The following VPS39 variants were observed in gnomAD, a reference collection of about 807,000 sequenced individuals.
VPS39 encodes the protein VPS39 subunit of HOPS complex.
VPS39 carries 70 observed loss-of-function variants against 121.0 expected under a neutral mutation model. The ratio of observed to expected loss-of-function variants is 0.58; its 90% CI spans 0.48 to 0.71. VPS39 has a LOEUF of 0.71. VPS39 is among the 30% of genes least tolerant of loss of function. The probability of loss-of-function intolerance (pLI) is 0.00; values close to 1 mark genes in which losing one functional copy is unlikely to be tolerated. For synonymous variants in VPS39, 378 were observed against 398.1 expected (o/e 0.95, Z 0.60); for missense variants, 818 against 1,051.5 (o/e 0.78, Z 3.07).
rs1383968100 is a variant in VPS39, at chr15:42,187,829, G to T, written c.370C>A (p.Arg124=). 1.2e-6 allele frequency: 2 copies of T among 1,614,122 alleles called. No individual in the cohort carries two copies. The highest frequency in any genetic ancestry group is 8.5e-7 in the Non-Finnish European group (1 of 1,180,012). The part of the protein sequence containing the change: ...QHTETGEEVL[R]MCVAVKKKLQ... The stretch of plus-strand genomic sequence containing the variant: ...TTCTTTTTTACTGCCACACACATCC[G>T]TAACACCTCCTCACCGGTCTCTGTG... Residue 124 remains arginine (R), a synonymous_variant, in exon 6 of 25, where the codon CGG becomes AGG. Coordinates refer to ENST00000318006, the MANE Select transcript of VPS39 (RefSeq NM_015289.5).
chr15:42,180,503 T>C (rs931015859), intron 8 of VPS39, among the ~76,000 whole-genome samples: 1 of 152,202 alleles, frequency 6.6e-6, no homozygotes, highest in Non-Finnish European at 1.5e-5. Context: ...GAAGTCAGCA[T>C]GCAAAAAGCA....
intron 12 of VPS39, among the ~76,000 whole-genome samples, chr15:42,168,997 G>C (rs1184469566): frequency 1.3e-5 from 2 of 152,156 alleles, no homozygotes; most frequent in Non-Finnish European, 2.9e-5. Flanking sequence ...GAAATCTAGG[G>C]TTAAGAGACT....
At chr15:42,204,818 T>C (rs1281529441) in intron 1 of VPS39, among the ~76,000 whole-genome samples, 1 of 152,178 alleles carries the variant, frequency 6.6e-6, no homozygotes, top group Non-Finnish European at 1.5e-5. Context: ...ATTTTAGTAA[T>C]TTTTGACTTA....
In VPS39 at chr15:42,189,220, GAGGT is replaced by G; in HGVS notation, c.248-16_248-13del. The G allele has an allele frequency of 6.3e-7, 1 of 1,593,786 alleles. No individual in the cohort carries two copies. The highest frequency in any genetic ancestry group is 8.6e-7 in the Non-Finnish European group (1 of 1,161,956). Reference sequence around the variant, plus strand: ...ATAAATGTTATTTTCTGTTTGGGAGGAGGTATAACATCAGGATCAATGATCATAA... The same window carrying G: ...ATAAATGTTATTTTCTGTTTGGGAGGATAACATCAGGATCAATGATCATAA... On this transcript the variant is annotated splice_polypyrimidine_tract_variant and intron_variant, in intron 4 of 24. Transcript: ENST00000318006.
At chr15:42,183,445 T>C (rs2049630805) in intron 8 of VPS39, among the ~76,000 whole-genome samples, 1 of 152,170 alleles carries the variant, frequency 6.6e-6, no homozygotes, top group South Asian at 2.1e-4. Context: ...TTCAGGAATC[T>C]ACTGGCCTCC....
intron 10 of VPS39, among the ~76,000 whole-genome samples, chr15:42,174,739 C>T (rs2049414151): frequency 6.6e-6 from 1 of 151,790 alleles, no homozygotes; most frequent in East Asian, 1.9e-4. Flanking sequence ...CTTGGGAGGC[C>T]GAGGTGGGCA....
In VPS39 at chr15:42,163,629, T is replaced by C; in HGVS notation, c.2126A>G (p.Glu709Gly). The change falls in exon 20 of 25, where the codon GAG becomes GGG. Residue 709 changes from glutamate to glycine, a missense_variant. By Grantham distance (98) the Glu-to-Gly change is moderately conservative. Coordinates refer to ENST00000318006, the MANE Select transcript of VPS39 (RefSeq NM_015289.5). Reference protein sequence around the residue: ...VHILKDTRMAEEYCHKHYDRN... With the variant: ...VHILKDTRMAGEYCHKHYDRN... ...TGGGATGTTGGGGCAAACTTACTCC[T>C]CAGCCATCCTTGTATCCTTCAAGAT... 1 of 1,613,180 alleles carries C rather than the reference T, an allele frequency of 6.2e-7. No homozygotes were observed. Among genetic ancestry groups the C allele is most frequent in the African/African-American group, 1.3e-5 (1 of 75,008 alleles).
chr15:42,164,674 T>A, intron 18 of VPS39, 188 bp from the exon 19 acceptor site: 2 of 1,434,394 alleles, frequency 1.4e-6, no homozygotes, highest in Non-Finnish European at 1.8e-6. Context: ...AGCTTACGGT[T>A]AAAAAAATAA....
rs61748639 is a variant in VPS39, at chr15:42,178,468, C to T, written c.821G>A (p.Arg274His). Residue 274 changes from arginine to histidine, a missense_variant, in exon 9 of 25, where the codon CGT becomes CAT. Transcript: ENST00000318006. ...LVQSIELQRPRFITSGGSNII... is the reference protein window; with the variant it reads ...LVQSIELQRPHFITSGGSNII... ...TCCTTACCCTCCTGAGGTAATGAAA[C>T]GGGGCCTTTGCAATTCAATGCTTTG... 6.8e-6 allele frequency: 11 copies of T among 1,613,994 alleles called. No individual in the cohort carries two copies. The highest frequency in any genetic ancestry group is 1.6e-4 in the Middle Eastern group (1 of 6,084).
chr15:42,168,000 C>T (rs2049278538), intron 12 of VPS39, among the ~76,000 whole-genome samples: 1 of 152,158 alleles, frequency 6.6e-6, no homozygotes, highest in South Asian at 2.1e-4. Flanking sequence ...TGCATGTAAC[C>T]ACCTCAGTGA....
intron 5 of VPS39, 138 bp downstream of exon 5, chr15:42,188,972 AAAAT>A (rs1045201373): frequency 4.1e-5 from 26 of 634,510 alleles, no homozygotes; most frequent in Non-Finnish European, 6.2e-5. Flanking sequence ...TCTCAGGAAA[AAAAT>A]AAATAAATAA....
At chr15:42,168,532 C>A (rs1277025110) in intron 12 of VPS39, among the ~76,000 whole-genome samples, 1 of 151,068 alleles carries the variant, frequency 6.6e-6, no homozygotes, top group East Asian at 1.9e-4. Flanking sequence ...ATTTTTCCAG[C>A]AATACTTCTT....
At chr15:42,190,449 A>G (rs1378242324) in intron 4 of VPS39, among the ~76,000 whole-genome samples, 5 of 152,200 alleles carry the variant, frequency 3.3e-5, no homozygotes, top group Non-Finnish European at 5.9e-5. Context: ...AGTCCCCTGC[A>G]TGTCCAGAAA....
intron 21 of VPS39, among the ~76,000 whole-genome samples, chr15:42,163,019 T>C (rs756075682): frequency 1.3e-5 from 2 of 152,204 alleles, no homozygotes; most frequent in Non-Finnish European, 2.9e-5. Context: ...TCTCCAGACA[T>C]TGAAAAGTCA....
intron 2 of VPS39, chr15:42,191,951 G>A: frequency 7.8e-7 from 1 of 1,286,782 alleles, no homozygotes; most frequent in East Asian, 2.5e-5. Flanking sequence ...AGCATCCTTA[G>A]ATCTAGACCA....
intron 1 of VPS39, among the ~76,000 whole-genome samples, chr15:42,206,835 G>A (rs2050183070): frequency 6.6e-6 from 1 of 152,192 alleles, no homozygotes; most frequent in Non-Finnish European, 1.5e-5. Flanking sequence ...ATCTGATGAA[G>A]CAATGGGGGA....
intron 7 of VPS39, among the ~76,000 whole-genome samples, chr15:42,186,428 G>A (rs1209845494): frequency 6.6e-6 from 1 of 152,086 alleles, no homozygotes; most frequent in Non-Finnish European, 1.5e-5. Flanking sequence ...GTGACAGAGG[G>A]GTACCCTGTC....
intron 11 of VPS39, among the ~76,000 whole-genome samples, chr15:42,172,174 T>C (rs1372502085): frequency 1.3e-5 from 2 of 152,158 alleles, no homozygotes; most frequent in African/African-American, 4.8e-5. Context: ...CAACAGAATA[T>C]AGGAAGAGTG....
Position 42,191,561 on chromosome 15 carries a change from C to G in VPS39, c.140-1G>C. The G allele has an allele frequency of 6.2e-7, 1 of 1,613,304 alleles. No homozygotes were observed. The highest frequency in any genetic ancestry group is 1.1e-5 in the South Asian group (1 of 90,938). On this transcript the variant is annotated splice_acceptor_variant, in intron 2 of 24. Transcript: ENST00000318006. LOFTEE classifies it high-confidence loss of function. Reference sequence around the variant, plus strand: ...AGTGTCACTTCAAATCTGTTGCAACCTATGGAAAACAAATAAACACTGGTA... The same window carrying G: ...AGTGTCACTTCAAATCTGTTGCAACGTATGGAAAACAAATAAACACTGGTA...
Sources: allele counts gnomAD v4.1 joint callset (sites outside exome capture counted in the v4.1 genomes callset), GRCh38; gene constraint gnomAD v4.1.1; transcripts MANE v1.5; gene names NCBI Gene and HGNC (gene_info 2026-07-23, HGNC 2026-07-21).